The following DLGAP2 variants were observed in gnomAD, a reference collection of about 807,000 sequenced individuals.
DLGAP2 encodes the protein disks large-associated protein 2.
Under a neutral mutation model 100.3 loss-of-function variants are expected in DLGAP2, and 26 were observed. That is an observed-to-expected ratio of 0.26 (90% CI 0.19 to 0.36). The LOEUF (loss-of-function observed/expected upper bound fraction) is 0.36. Ranked by LOEUF, DLGAP2 falls within the 10% of genes least tolerant of loss-of-function variation. DLGAP2 has a pLI of 1.00. For synonymous variants in DLGAP2, 886 were observed against 630.1 expected (o/e 1.41, Z -6.08); for missense variants, 1,858 against 1,453.2 (o/e 1.28, Z -4.53).
At chr8:1,598,753 G>A (rs1226880858) in intron 6 of DLGAP2, among the ~76,000 whole-genome samples, 1 of 151,730 alleles carries the variant, frequency 6.6e-6, no homozygotes, top group Admixed American at 6.6e-5. Context: ...ATTGTTCTCT[G>A]TTTTCTTCTT....
chr8:1,106,338 G>A (rs1268592225), intron 2 of DLGAP2, among the ~76,000 whole-genome samples: 3 of 150,648 alleles, frequency 2.0e-5, no homozygotes, highest in Admixed American at 2.0e-4. Context: ...ATTCCAGTAG[G>A]GTTTTCTATT....
intron 3 of DLGAP2, among the ~76,000 whole-genome samples, chr8:1,438,731 A>G (rs187617951): frequency 1.4e-4 from 22 of 152,366 alleles, no homozygotes; most frequent in Admixed American, 1.4e-3. Flanking sequence ...CCGCATGCAC[A>G]GACTGTGATA....
intron 2 of DLGAP2, among the ~76,000 whole-genome samples, chr8:1,118,661 A>G (rs1381103427): frequency 6.6e-6 from 1 of 152,208 alleles, no homozygotes; most frequent in Non-Finnish European, 1.5e-5. Flanking sequence ...GCATTTTGTC[A>G]GTGCTTAGAG....
chr8:1,588,738 TAAAAAA>T (rs11358700), intron 6 of DLGAP2, among the ~76,000 whole-genome samples: 1 of 91,474 alleles, frequency 1.1e-5, no homozygotes, highest in South Asian at 4.5e-4. Flanking sequence ...CTGTCTTTAC[TAAAAAA>T]AAAAAAAAAA....
intron 2 of DLGAP2, among the ~76,000 whole-genome samples, chr8:1,183,201 G>A (rs942223714): frequency 2.6e-5 from 4 of 152,148 alleles, no homozygotes; most frequent in South Asian, 2.1e-4. Context: ...CCGAGAGGGC[G>A]TCTCGGAGCG....
intron 2 of DLGAP2, among the ~76,000 whole-genome samples, chr8:1,005,802 G>A (rs1801092226): frequency 6.6e-6 from 1 of 152,088 alleles, no homozygotes; most frequent in African/African-American, 2.4e-5. Flanking sequence ...TACTTGTATT[G>A]AGTGTCCCTG....
chr8:1,111,550 C>T (rs571240788), intron 2 of DLGAP2, among the ~76,000 whole-genome samples: 7 of 152,222 alleles, frequency 4.6e-5, no homozygotes, highest in African/African-American at 1.2e-4. Flanking sequence ...GTCCCCTCCC[C>T]GCTCCCATAT....
intron 3 of DLGAP2, among the ~76,000 whole-genome samples, chr8:1,493,623 A>C (rs1799457069): frequency 6.6e-6 from 1 of 152,192 alleles, no homozygotes; most frequent in African/African-American, 2.4e-5. Flanking sequence ...TCACATTCTA[A>C]TCCTCCTGTA....
At chr8:1,060,814 G>C (rs1362863256) in intron 2 of DLGAP2, among the ~76,000 whole-genome samples, 2 of 152,212 alleles carry the variant, frequency 1.3e-5, no homozygotes, top group East Asian at 3.9e-4. Flanking sequence ...CTGTGGGCCT[G>C]GGAGGAGGCA....
At chr8:1,055,522 T>A (rs1430915912) in intron 2 of DLGAP2, among the ~76,000 whole-genome samples, 8 of 152,228 alleles carry the variant, frequency 5.3e-5, no homozygotes, top group Non-Finnish European at 1.2e-4. Context: ...TTATCACTTA[T>A]AAGAGATTTT....
intron 2 of DLGAP2, among the ~76,000 whole-genome samples, chr8:1,086,563 G>A (rs1032807776): frequency 1.3e-5 from 2 of 152,058 alleles, no homozygotes; most frequent in African/African-American, 2.4e-5. Flanking sequence ...TGAGAGTGAT[G>A]GAAAAAGATA....
At chr8:949,653 C>T (rs1371396970) in intron 2 of DLGAP2, among the ~76,000 whole-genome samples, 1 of 152,228 alleles carries the variant, frequency 6.6e-6, no homozygotes, top group Non-Finnish European at 1.5e-5. Context: ...CTGGCAGGTC[C>T]TCTTTCTCCT....
intron 3 of DLGAP2, among the ~76,000 whole-genome samples, chr8:1,420,877 T>C (rs1006061071): frequency 1.3e-5 from 2 of 152,204 alleles, no homozygotes; most frequent in Non-Finnish European, 2.9e-5. Context: ...GTTTGGTGTC[T>C]TCGTTGCCTG....
At chr8:1,288,217 G>GTGTGT (rs1799984337) in intron 3 of DLGAP2, among the ~76,000 whole-genome samples, 1 of 98,362 alleles carries the variant, frequency 1.0e-5, no homozygotes, top group African/African-American at 4.0e-5. Flanking sequence ...GTGTGTGTGT[G>GTGTGT]GTTAGGAGGG....
At chr8:1,244,005 C>T (rs111361515) in intron 2 of DLGAP2, among the ~76,000 whole-genome samples, 1 of 152,018 alleles carries the variant, frequency 6.6e-6, no homozygotes. Flanking sequence ...CAGCTCCCAG[C>T]CTCTGCACTC....
chr8:1,586,239 G>C (rs938998383), intron 6 of DLGAP2, among the ~76,000 whole-genome samples: 1 of 152,198 alleles, frequency 6.6e-6, no homozygotes, highest in Non-Finnish European at 1.5e-5. Flanking sequence ...GGATCTGCGT[G>C]GGGAGTGGTT....
intron 3 of DLGAP2, among the ~76,000 whole-genome samples, chr8:1,292,991 G>C (rs908759890): frequency 3.3e-5 from 5 of 152,092 alleles, no homozygotes; most frequent in Middle Eastern, 3.2e-3. Context: ...GCTGTTCCTC[G>C]TGTCTCTTTT....
intron 1 of DLGAP2, among the ~76,000 whole-genome samples, chr8:858,573 G>A (rs75718228): frequency 0.11 from 16,519 of 151,340 alleles, 1,290 homozygotes; most frequent in Admixed American, 0.26. Context: ...TGCTGTCACC[G>A]TGGGGACATG....
chr8:1,573,620 C>T (rs1258094734), intron 6 of DLGAP2, among the ~76,000 whole-genome samples: 1 of 151,992 alleles, frequency 6.6e-6, no homozygotes. Flanking sequence ...ATGCAGGAAA[C>T]ATCACGTGCT....
Sources: gnomAD v4.1 joint callset for allele counts (sites outside exome capture counted in the v4.1 genomes callset) on GRCh38, gnomAD v4.1.1 for gene constraint, MANE v1.5 for transcripts, NCBI Gene and HGNC (gene_info 2026-07-23, HGNC 2026-07-21) for gene names.